The following WDR7 variants were observed in gnomAD, a reference collection of about 807,000 sequenced individuals.
The protein encoded by WDR7 is WD repeat-containing protein 7.
A neutral mutation model predicts 169.4 loss-of-function variants in WDR7; 46 were observed. The observed-to-expected ratio is 0.27, with a 90% CI of 0.21 to 0.35. The LOEUF (loss-of-function observed/expected upper bound fraction) is 0.35, where lower values mean the gene tolerates loss of function less well. Among genes scored for constraint, WDR7 ranks in the 10% least tolerant of loss-of-function variants. The pLI is 1.00. For missense variants in WDR7, 1,534 were observed against 1,859.3 expected (o/e 0.83, Z 3.22); for synonymous variants, 612 against 666.8 (o/e 0.92, Z 1.27).
chr18:56,891,485 T>G (rs1209951481), intron 21 of WDR7, among the ~76,000 whole-genome samples: 1 of 152,084 alleles, frequency 6.6e-6, no homozygotes, highest in African/African-American at 2.4e-5. Context: ...TGTTAGTTTC[T>G]GTTGTTGTTG....
Position 56,939,298 on chromosome 18 carries a change from T to G in WDR7, c.3982-13T>G. The stretch of plus-strand genomic sequence containing the variant: ...TTTGAAATTAATTTTAAATCTGTTC[T>G]TTTCTGTCAAAGGTTATGGACATCA... On this transcript the variant is annotated splice_polypyrimidine_tract_variant and intron_variant, in intron 24 of 27. Coordinates refer to ENST00000254442, the MANE Select transcript of WDR7 (RefSeq NM_015285.3). 1 of 1,499,866 alleles carries G rather than the reference T, an allele frequency of 6.7e-7. No individual in the cohort carries two copies. The highest frequency in any genetic ancestry group is 8.9e-7 in the Non-Finnish European group (1 of 1,121,142). The allele number at this position is 1,499,866 out of a possible 1,614,324, so 92.9% of individuals were successfully genotyped here.
At chr18:56,766,503 C>A (rs2044069607) in intron 16 of WDR7, among the ~76,000 whole-genome samples, 1 of 152,056 alleles carries the variant, frequency 6.6e-6, no homozygotes, top group African/African-American at 2.4e-5. Context: ...TTAGTCTTTT[C>A]TCAGCAATGT....
At chr18:57,021,630 A>G (rs1403631755) in intron 27 of WDR7, among the ~76,000 whole-genome samples, 1 of 152,200 alleles carries the variant, frequency 6.6e-6, no homozygotes, top group Non-Finnish European at 1.5e-5. Context: ...AATTTTGGCA[A>G]TAGAATATGT....
At chr18:56,732,248 G>C (rs892130804) in intron 14 of WDR7, among the ~76,000 whole-genome samples, 2 of 152,024 alleles carry the variant, frequency 1.3e-5, no homozygotes, top group Admixed American at 1.3e-4. Context: ...GCCACTGTTT[G>C]GTCTGTGGTA....
At chr18:56,676,680 C>T (rs2025250579) in intron 2 of WDR7, among the ~76,000 whole-genome samples, 1 of 151,522 alleles carries the variant, frequency 6.6e-6, no homozygotes. Flanking sequence ...TACACCTTAA[C>T]TTCCCTTGCT....
In WDR7 at chr18:56,781,166, TAAC is replaced by T. The variant is rs199581115; in HGVS notation, c.3067-364_3067-362del. On this transcript the variant is annotated intron_variant, in intron 18 of 27. Coordinates refer to ENST00000254442, the MANE Select transcript of WDR7 (RefSeq NM_015285.3). The stretch of plus-strand genomic sequence containing the variant: ...AAAAACAATAGCTCTCACAGTGGCT[TAAC>T]AATAATGTTAATATAGAAATTTTAA... 6.5e-3 allele frequency among the ~76,000 whole-genome samples: 983 copies of T among 152,254 alleles called. 8 individuals are homozygous for T. Among genetic ancestry groups the T allele is most frequent in the African/African-American group, 0.022 (932 of 41,548 alleles).
At chr18:56,953,193 C>T (rs1232437609) in intron 25 of WDR7, among the ~76,000 whole-genome samples, 2 of 152,108 alleles carry the variant, frequency 1.3e-5, no homozygotes, top group African/African-American at 4.8e-5. Flanking sequence ...GATTTTAAAA[C>T]ATCTCTAAAA....
intron 12 of WDR7, among the ~76,000 whole-genome samples, chr18:56,705,473 T>A (rs1312433884): frequency 1.3e-5 from 2 of 152,170 alleles, no homozygotes; most frequent in African/African-American, 4.8e-5. Context: ...AAGGTCAATA[T>A]ATATGATATT....
intron 17 of WDR7, among the ~76,000 whole-genome samples, chr18:56,777,298 C>T (rs1481169167): frequency 1.3e-5 from 2 of 152,184 alleles, no homozygotes; most frequent in Non-Finnish European, 2.9e-5. Context: ...GTGAGGGAAT[C>T]TCTTAACATT....
intron 1 of WDR7, among the ~76,000 whole-genome samples, chr18:56,661,507 C>T (rs892551629): frequency 2.6e-5 from 4 of 152,144 alleles, no homozygotes; most frequent in African/African-American, 4.8e-5. Flanking sequence ...GCACTCAGGG[C>T]TGTTTAGCAA....
chr18:56,940,785 A>G (rs2047025816), intron 25 of WDR7, among the ~76,000 whole-genome samples: 1 of 152,154 alleles, frequency 6.6e-6, no homozygotes, highest in Non-Finnish European at 1.5e-5. Flanking sequence ...AGCCACTGGC[A>G]TGTAAAGAAG....
intron 20 of WDR7, among the ~76,000 whole-genome samples, chr18:56,867,869 AT>A (rs1411360196): frequency 2.0e-5 from 3 of 152,220 alleles, no homozygotes; most frequent in Non-Finnish European, 4.4e-5. Context: ...TCAGAGCCAA[AT>A]TCGAAATGAA....
In WDR7 at chr18:56,797,487, T is replaced by TA. The variant is rs1266479630; in HGVS notation, c.3190+15834dup. Among the ~76,000 whole-genome samples the TA allele has an allele frequency of 1.2e-4, 19 of 152,042 alleles. No individual in the cohort carries two copies. In the South Asian group the frequency reaches 1.7e-3, roughly 13 times the overall value. The stretch of plus-strand genomic sequence containing the variant: ...TTAGTTCCATGTAGTTTTTAAAATA[T>TA]AAATGGTATATTTATATACCATTTT... On this transcript the variant is annotated intron_variant, in intron 19 of 27. Transcript: ENST00000254442.
At chr18:56,998,185 A>G (rs558622707) in intron 26 of WDR7, among the ~76,000 whole-genome samples, 4 of 152,280 alleles carry the variant, frequency 2.6e-5, no homozygotes, top group South Asian at 2.1e-4. Flanking sequence ...AGCAGTGAAG[A>G]CTTAGGTATC....
chr18:56,925,698 G>A (rs1475176143), intron 22 of WDR7, among the ~76,000 whole-genome samples: 1 of 152,144 alleles, frequency 6.6e-6, no homozygotes, highest in East Asian at 1.9e-4. Context: ...GCAATTGAAG[G>A]CTAGAATGGA....
chr18:56,883,652 C>A (rs2046144983), intron 21 of WDR7, among the ~76,000 whole-genome samples: 1 of 151,786 alleles, frequency 6.6e-6, no homozygotes, highest in Non-Finnish European at 1.5e-5. Flanking sequence ...ATCTTTTATC[C>A]CTCACCCCTC....
intron 19 of WDR7, among the ~76,000 whole-genome samples, chr18:56,792,144 C>T (rs114960638): frequency 5.6e-4 from 85 of 152,140 alleles, no homozygotes; most frequent in African/African-American, 1.9e-3. Context: ...CAGCCTTCCA[C>T]GTAGCTGGGA....
chr18:57,019,984 T>A (rs1023646243), intron 26 of WDR7, among the ~76,000 whole-genome samples: 49 of 152,234 alleles, frequency 3.2e-4, no homozygotes, highest in African/African-American at 8.9e-4. Context: ...GTATCCAATG[T>A]CTTCTGTAAT....
At chr18:56,961,307 A>G (rs780258708) in intron 25 of WDR7, among the ~76,000 whole-genome samples, 3 of 151,940 alleles carry the variant, frequency 2.0e-5, no homozygotes, top group Non-Finnish European at 4.4e-5. Context: ...AGCATTAGAG[A>G]AATGAGATTT....
Sources: gnomAD v4.1 joint callset for allele counts (sites outside exome capture counted in the v4.1 genomes callset) on GRCh38, gnomAD v4.1.1 for gene constraint, MANE v1.5 for transcripts, NCBI Gene and HGNC (gene_info 2026-07-23, HGNC 2026-07-21) for gene names.